Variants in SH3BGRL2 observed in about 807,000 individuals in gnomAD.
The protein encoded by SH3BGRL2 is SH3 domain binding glutamate rich protein like 2, also known as SH3 domain-binding glutamic acid-rich-like protein 2.
Under a neutral mutation model 14.8 loss-of-function variants are expected in SH3BGRL2, and 21 were observed. The ratio of observed to expected loss-of-function variants is 1.42; its 90% CI spans 1.01 to 2.05. The LOEUF is 2.05. Ranked by LOEUF, SH3BGRL2 falls within the 30% of genes most tolerant of loss-of-function variation. SH3BGRL2 has a pLI of 0.00. For missense variants in SH3BGRL2, 147 were observed against 130.8 expected (o/e 1.12, Z -0.61); for synonymous variants, 50 against 47.8 (o/e 1.05, Z -0.19).
the SH3BGRL2 span, among the ~76,000 whole-genome samples, chr6:79,539,026 A>G: frequency 6.6e-6 from 1 of 152,244 alleles, no homozygotes; most frequent in Non-Finnish European, 1.5e-5. Flanking sequence ...GTTGTTGGTA[A>G]GCAAGAAAAT....
In SH3BGRL2 at chr6:79,691,162, C is replaced by T. The variant is rs944117457; in HGVS notation, c.232-5323C>T. 2.0e-5 allele frequency among the ~76,000 whole-genome samples: 3 copies of T among 151,720 alleles called. No individual in the cohort carries two copies. In the South Asian group the frequency reaches 6.2e-4, roughly 32 times the overall value. The stretch of plus-strand genomic sequence containing the variant: ...GAGTGAGACCCTATCTCAACAACAA[C>T]AAAAAAGATCCTTCTTCTCCCCAAA... On this transcript the variant is annotated intron_variant, in intron 2 of 3. Coordinates refer to ENST00000369838, the MANE Select transcript of SH3BGRL2 (RefSeq NM_031469.4).
intron 2 of SH3BGRL2, among the ~76,000 whole-genome samples, chr6:79,683,053 G>T (rs115816448): frequency 6.6e-6 from 1 of 152,076 alleles, no homozygotes; most frequent in Non-Finnish European, 1.5e-5. Flanking sequence ...CCTGTCGAGC[G>T]GGGGAGCTGG....
At chr6:79,679,152 G>C (rs188571277) in intron 2 of SH3BGRL2, among the ~76,000 whole-genome samples, 158 of 152,158 alleles carry the variant, frequency 1.0e-3, no homozygotes, top group Middle Eastern at 3.4e-3. Flanking sequence ...GGGATTGCTG[G>C]GTTGAAAGAT....
the SH3BGRL2 span, among the ~76,000 whole-genome samples, chr6:79,572,633 T>A: frequency 6.6e-6 from 1 of 151,940 alleles, no homozygotes; most frequent in East Asian, 1.9e-4. Flanking sequence ...GCCCGGCTAA[T>A]TTTTTGTATT....
chr6:79,648,279 T>TATATATATATATATATATATATATAA (rs752182712), intron 1 of SH3BGRL2, among the ~76,000 whole-genome samples: 6 of 117,186 alleles, frequency 5.1e-5, no homozygotes, highest in Admixed American at 8.8e-5. Context: ...TATATATATA[T>TATATATATATATATATATATATATAA]ATATTTGACA....
chr6:79,541,332 C>T, the SH3BGRL2 span, among the ~76,000 whole-genome samples: 1 of 151,712 alleles, frequency 6.6e-6, no homozygotes, highest in African/African-American at 2.4e-5. Context: ...TAAATTTTAC[C>T]TCAATTTCTG....
chr6:79,606,192 G>C, the SH3BGRL2 span, among the ~76,000 whole-genome samples: 1 of 152,064 alleles, frequency 6.6e-6, no homozygotes, highest in Non-Finnish European at 1.5e-5. Context: ...GAATTGCAAG[G>C]CATCCAGCAA....
At chr6:79,650,657 A>G (rs894753099) in intron 1 of SH3BGRL2, among the ~76,000 whole-genome samples, 1 of 152,090 alleles carries the variant, frequency 6.6e-6, no homozygotes, top group African/African-American at 2.4e-5. Flanking sequence ...GACAAGAGTG[A>G]GAACTCATGC....
chr6:79,596,867 T>C, the SH3BGRL2 span, among the ~76,000 whole-genome samples: 1 of 152,116 alleles, frequency 6.6e-6, no homozygotes, highest in South Asian at 2.1e-4. Flanking sequence ...ATCTGGAAAA[T>C]TCATACCTCC....
At chr6:79,646,021 T>G (rs1410214588) in intron 1 of SH3BGRL2, among the ~76,000 whole-genome samples, 1 of 152,206 alleles carries the variant, frequency 6.6e-6, no homozygotes, top group East Asian at 1.9e-4. Flanking sequence ...TTATTGACAT[T>G]TTGTGCTGGA....
At chr6:79,695,863 T>C (rs1770323097) in intron 2 of SH3BGRL2, among the ~76,000 whole-genome samples, 1 of 152,224 alleles carries the variant, frequency 6.6e-6, no homozygotes, top group South Asian at 2.1e-4. Context: ...TTGACCAGAA[T>C]TCCTTGATGC....
At chr6:79,594,508 G>T in the SH3BGRL2 span, among the ~76,000 whole-genome samples, 1 of 152,134 alleles carries the variant, frequency 6.6e-6, no homozygotes, top group Non-Finnish European at 1.5e-5. Context: ...GTGGCATGGG[G>T]AGCCAGAGAC....
the SH3BGRL2 span, among the ~76,000 whole-genome samples, chr6:79,541,010 T>G: frequency 3.9e-5 from 6 of 152,124 alleles, no homozygotes; most frequent in African/African-American, 1.4e-4. Context: ...CCCAGCACTT[T>G]GGTAGGCCGA....
chr6:79,665,260 A>T (rs1483173182), intron 1 of SH3BGRL2, among the ~76,000 whole-genome samples: 1 of 152,170 alleles, frequency 6.6e-6, no homozygotes, highest in Non-Finnish European at 1.5e-5. Flanking sequence ...AACACACCTA[A>T]ATCTCCAATG....
chr6:79,674,501 T>A (rs1215683920), intron 2 of SH3BGRL2, among the ~76,000 whole-genome samples: 2 of 152,214 alleles, frequency 1.3e-5, no homozygotes, highest in African/African-American at 4.8e-5. Flanking sequence ...CCTTTTGCCA[T>A]ATCTCTAAGT....
intron 1 of SH3BGRL2, among the ~76,000 whole-genome samples, chr6:79,649,984 C>CACACAA: frequency 1.5e-5 from 1 of 64,742 alleles, no homozygotes; most frequent in Non-Finnish European, 3.6e-5. Context: ...CTCTCTCTCT[C>CACACAA]TCACACACAC....
chr6:79,568,052 T>G, the SH3BGRL2 span, among the ~76,000 whole-genome samples: 1 of 152,138 alleles, frequency 6.6e-6, no homozygotes, highest in Non-Finnish European at 1.5e-5. Context: ...TGGCAAAAAT[T>G]TTAAAGCTGA....
chr6:79,697,993 C>A (rs1345291458), intron 3 of SH3BGRL2, among the ~76,000 whole-genome samples: 1 of 152,198 alleles, frequency 6.6e-6, no homozygotes, highest in African/African-American at 2.4e-5. Flanking sequence ...CTCAGGAAAT[C>A]TATGGTCTAT....
chr6:79,592,855 A>G, the SH3BGRL2 span, among the ~76,000 whole-genome samples: 14 of 152,318 alleles, frequency 9.2e-5, no homozygotes, highest in Admixed American at 8.5e-4. Context: ...AGTTACGTGA[A>G]TTTTCTGAGC....
Sources: gnomAD v4.1 joint callset for allele counts (sites outside exome capture counted in the v4.1 genomes callset) on GRCh38, gnomAD v4.1.1 for gene constraint, MANE v1.5 for transcripts, NCBI Gene and HGNC (gene_info 2026-07-23, HGNC 2026-07-21) for gene names.